PKHD1L1: variants seen among roughly 807,000 people sequenced by gnomAD.
The protein encoded by PKHD1L1 is PKHD1 like 1.
A neutral mutation model predicts 462.9 loss-of-function variants in PKHD1L1; 434 were observed. The observed-to-expected ratio is 0.94, with a 90% CI of 0.87 to 1.02. The LOEUF (loss-of-function observed/expected upper bound fraction) is 1.02. Among genes scored for constraint, PKHD1L1 ranks in the 50% least tolerant of loss-of-function variants. PKHD1L1 has a pLI of 0.00. For synonymous variants in PKHD1L1, 1,781 were observed against 1,750.0 expected (o/e 1.02, Z -0.44); for missense variants, 5,202 against 5,096.1 (o/e 1.02, Z -0.63).
At chr8:109,422,924 A>G (rs1012711606) in intron 23 of PKHD1L1, among the ~76,000 whole-genome samples, 1 of 152,146 alleles carries the variant, frequency 6.6e-6, no homozygotes, top group Non-Finnish European at 1.5e-5. Context: ...AGGGTGTGTA[A>G]CGATGGTTCA....
chr8:109,435,411 G>A (rs1211807626), intron 29 of PKHD1L1, 57 bp downstream of exon 29: 3 of 1,558,558 alleles, frequency 1.9e-6, no homozygotes, highest in Non-Finnish European at 2.6e-6. Context: ...TCAGTTCAAT[G>A]TGCTGTTTCT....
At chr8:109,475,682 CA>C (rs57539802) in intron 51 of PKHD1L1, among the ~76,000 whole-genome samples, 6,465 of 134,338 alleles carry the variant, frequency 0.048, 272 homozygotes, top group African/African-American at 0.12. Flanking sequence ...ATTAAAAATA[CA>C]AAAAAAAAAA....
At position 109,362,489 on chromosome 8, in the gene PKHD1L1, G is replaced by C; in HGVS notation, c.-92G>C. On this transcript the variant is annotated 5_prime_UTR_variant, in exon 1 of 78. Transcript: ENST00000378402. ...CCCCAGCTCTCCCGGGACGAAGCGG[G>C]CCCGCCAGCGAGTCGCAGTCCCAGG... 1 of 1,293,920 alleles carries C rather than the reference G, an allele frequency of 7.7e-7. No individual in the cohort carries two copies. Among genetic ancestry groups the C allele is most frequent in the Non-Finnish European group, 1.1e-6 (1 of 918,026 alleles). The allele number at this position is 1,293,920 out of a possible 1,614,324, so 80.2% of individuals were successfully genotyped here.
intron 2 of PKHD1L1, among the ~76,000 whole-genome samples, chr8:109,379,190 C>T (rs544051606): frequency 6.6e-6 from 1 of 152,270 alleles, no homozygotes; most frequent in South Asian, 2.1e-4. Context: ...GTCCACCCAG[C>T]TTCTCAGTGA....
At position 109,510,788 on chromosome 8, in the gene PKHD1L1, C is replaced by G. The variant is rs1470849635; in HGVS notation, c.11407C>G (p.His3803Asp). 5 of 1,612,622 alleles carry G rather than the reference C, an allele frequency of 3.1e-6. No homozygotes were observed. The highest frequency in any genetic ancestry group is 4.2e-6 in the Non-Finnish European group (5 of 1,179,200). ...TTGCATGGATTTAGGCCCACAGGAT[C>G]ATGGCTGGTGTGCTGGATATACATG... ...YVDLINGPQD[H>D]GWCAGYTCQR... The change falls in exon 71 of 78, where the codon CAT becomes GAT. Residue 3803 changes from histidine to aspartate, a missense_variant. Physicochemically the swap from His to Asp is moderately conservative, Grantham distance 81 (BLOSUM62 -1). Around this residue, in one of 3 missense-constraint regions of PKHD1L1, gnomAD observed 698 missense variants for 736.3 expected, o/e 0.95. Transcript: ENST00000378402.
chr8:109,387,640 C>A (rs1157063444), intron 6 of PKHD1L1, among the ~76,000 whole-genome samples: 1 of 152,152 alleles, frequency 6.6e-6, no homozygotes, highest in Non-Finnish European at 1.5e-5. Flanking sequence ...GAATTTAAAT[C>A]CATGAATGTG....
intron 50 of PKHD1L1, among the ~76,000 whole-genome samples, chr8:109,467,806 G>T (rs895816308): frequency 6.6e-6 from 1 of 152,024 alleles, no homozygotes; most frequent in Admixed American, 6.6e-5. Flanking sequence ...ATCAAATATG[G>T]TTTTTTACAT....
intron 35 of PKHD1L1, 85 bp downstream of exon 35, chr8:109,442,280 A>G: frequency 8.0e-7 from 1 of 1,254,692 alleles, no homozygotes; most frequent in Non-Finnish European, 1.1e-6. Flanking sequence ...TTAATACAGT[A>G]TTTTTACATA....
At chr8:109,453,464 G>C (rs1208688150) in intron 43 of PKHD1L1, among the ~76,000 whole-genome samples, 1 of 152,130 alleles carries the variant, frequency 6.6e-6, no homozygotes. Context: ...GCATGTAAAA[G>C]AATCATTAAT....
chr8:109,488,018 T>C (rs1385880817), intron 59 of PKHD1L1, among the ~76,000 whole-genome samples: 1 of 151,852 alleles, frequency 6.6e-6, no homozygotes, highest in Non-Finnish European at 1.5e-5. Context: ...ACATAATGTA[T>C]GATTGTTTCT....
chr8:109,383,155 AT>A (rs1389703653), intron 4 of PKHD1L1, among the ~76,000 whole-genome samples: 1 of 61,610 alleles, frequency 1.6e-5, no homozygotes, highest in Non-Finnish European at 2.8e-5. Context: ...TATTATATAT[AT>A]TTATATATAA....
At position 109,452,847 on chromosome 8, in the gene PKHD1L1, C is replaced by T. The variant is rs982588428; in HGVS notation, c.6637C>T (p.Pro2213Ser). 1.3e-6 allele frequency: 2 copies of T among 1,488,170 alleles called. No homozygotes were observed. Among genetic ancestry groups the T allele is most frequent in the Admixed American group, 2.5e-5 (1 of 40,020 alleles). 92.2% of individuals were successfully genotyped at this position (1,488,170 alleles called of 1,614,324 possible). The change falls in exon 43 of 78, where the codon CCT becomes TCT. Residue 2213 changes from proline to serine, a missense_variant. By Grantham distance (74) the Pro-to-Ser change is moderately conservative. Coordinates refer to ENST00000378402, the MANE Select transcript of PKHD1L1 (RefSeq NM_177531.6). Reference protein sequence around the residue: ...GQTILLDQSTPILKMLLIQGG... With the variant: ...GQTILLDQSTSILKMLLIQGG... ...GACCATTCTGCTGGATCAAAGCACC[C>T]CTATTTTGAAAATGTTGCTTATTCA...
chr8:109,454,689 A>C, intron 44 of PKHD1L1, 34 bp from the exon 45 acceptor site: 1 of 1,604,968 alleles, frequency 6.2e-7, no homozygotes, highest in Non-Finnish European at 8.5e-7. Flanking sequence ...TGGGGTTTTA[A>C]TTTTCTGAAT....
At chr8:109,378,696 C>A (rs902918561) in intron 2 of PKHD1L1, among the ~76,000 whole-genome samples, 3 of 152,106 alleles carry the variant, frequency 2.0e-5, no homozygotes, top group Non-Finnish European at 2.9e-5. Context: ...GTAGGCAGAG[C>A]CATGATCAGT....
chr8:109,375,325 T>A (rs921236069), intron 2 of PKHD1L1, among the ~76,000 whole-genome samples: 4 of 152,230 alleles, frequency 2.6e-5, no homozygotes, highest in African/African-American at 9.6e-5. Context: ...TGTCACGTAG[T>A]TCTTGTGCCA....
At chr8:109,435,043 C>T in intron 28 of PKHD1L1, 147 bp from the exon 29 acceptor site, 1 of 749,842 alleles carries the variant, frequency 1.3e-6, no homozygotes, top group Non-Finnish European at 2.1e-6. Flanking sequence ...TAAGATTCCC[C>T]CACACATTAA....
At chr8:109,376,512 C>T (rs1811842096) in intron 2 of PKHD1L1, among the ~76,000 whole-genome samples, 2 of 152,112 alleles carry the variant, frequency 1.3e-5, no homozygotes, top group African/African-American at 4.8e-5. Context: ...CTGTCCTGCA[C>T]CCACTGTCCG....
chr8:109,385,570 C>A lies in PKHD1L1; in HGVS notation c.509C>A (p.Thr170Asn). 6.2e-7 allele frequency: 1 copy of A among 1,605,786 alleles called. No homozygotes were observed. Among genetic ancestry groups the A allele is most frequent in the Non-Finnish European group, 8.5e-7 (1 of 1,175,160 alleles). ...ATAACAATCCAAGGCAGAATCTTCA[C>A]TGATGTCTATGGAAGTAATATTGCA... ...TLITIQGRIF[T>N]DVYGSNIALS... is the part of the protein sequence containing the mutation. The change falls in exon 6 of 78, where the codon ACT (threonine) becomes AAT (asparagine). Residue 170 changes from threonine (T) to asparagine (N), a missense_variant. By Grantham distance (65) the Thr-to-Asn change is moderately conservative (BLOSUM62 0). Coordinates refer to ENST00000378402, the MANE Select transcript of PKHD1L1 (RefSeq NM_177531.6).
At chr8:109,453,999 G>C (rs1196193376) in intron 43 of PKHD1L1, among the ~76,000 whole-genome samples, 168 bp from the exon 44 acceptor site, 1 of 152,052 alleles carries the variant, frequency 6.6e-6, no homozygotes, top group Non-Finnish European at 1.5e-5. Flanking sequence ...TGTTGCCAAA[G>C]AACTGAAGTG....
Sources: gnomAD v4.1 joint callset for allele counts (sites outside exome capture counted in the v4.1 genomes callset) on GRCh38, gnomAD v4.1.1 for gene constraint, gnomAD v4.1.1 regional missense constraint, MANE v1.5 for transcripts, NCBI Gene and HGNC (gene_info 2026-07-23, HGNC 2026-07-21) for gene names.